RNF38: variants seen among roughly 807,000 people sequenced by gnomAD.
RNF38 encodes ring finger protein 38, also known as E3 ubiquitin-protein ligase RNF38.
In RNF38, 15 loss-of-function variants were observed where a neutral mutation model predicts 67.2. That is an observed-to-expected ratio of 0.22 (90% CI 0.15 to 0.34). The LOEUF is 0.34. Ranked by LOEUF, RNF38 falls within the 10% of genes least tolerant of loss-of-function variation. The pLI is 1.00. For synonymous variants in RNF38, 220 were observed against 218.8 expected (o/e 1.01, Z -0.05); for missense variants, 524 against 639.9 (o/e 0.82, Z 1.95).
At chr9:36,350,562 T>C (rs540709949) in intron 9 of RNF38, among the ~76,000 whole-genome samples, 1 of 152,340 alleles carries the variant, frequency 6.6e-6, no homozygotes, top group African/African-American at 2.4e-5. Context: ...ATCTTAAAGA[T>C]GAAAAGCTTA....
intron 1 of RNF38, among the ~76,000 whole-genome samples, chr9:36,445,606 C>T (rs991911093): frequency 2.0e-5 from 3 of 152,146 alleles, no homozygotes; most frequent in Admixed American, 2.0e-4. Flanking sequence ...CATGCTAAGA[C>T]AGGGGAATCA....
intron 4 of RNF38, among the ~76,000 whole-genome samples, chr9:36,366,391 TG>T (rs1174356048): frequency 2.6e-5 from 4 of 152,196 alleles, no homozygotes; most frequent in African/African-American, 9.7e-5. Context: ...CTTTACATAT[TG>T]CAACTGATTA....
Position 36,393,524 on chromosome 9 carries a change from G to GTGTGTGTGTGTGT in RNF38, c.13-2909_13-2908insACACACACACACA, listed in dbSNP as rs1554689613. Among the ~76,000 whole-genome samples, 274 of 84,314 alleles carry GTGTGTGTGTGTGT rather than the reference G, an allele frequency of 3.2e-3. 1 individual carries two copies. The highest frequency in any genetic ancestry group is 8.5e-3 in the South Asian group (22 of 2,582). The allele number at this position is 84,314 out of a possible 152,430, so 55.3% of individuals were successfully genotyped here. A position where few individuals can be genotyped will look rare whatever the true frequency, so the allele number is the denominator to read the frequency against. ...GTGTGTGTGTGTGTGTGTGTGTGTGGGGCAGGCAGTCCCATACATAGGTTG... is the reference window on the plus strand; with the variant it reads ...GTGTGTGTGTGTGTGTGTGTGTGTGGTGTGTGTGTGTGTGGCAGGCAGTCCCATACATAGGTTG... On this transcript the variant is annotated intron_variant, in intron 1 of 11. Coordinates refer to ENST00000259605, the MANE Select transcript of RNF38 (RefSeq NM_022781.5).
intron 2 of RNF38, among the ~76,000 whole-genome samples, chr9:36,385,628 C>CT (rs1836566589): frequency 6.6e-6 from 1 of 152,176 alleles, no homozygotes; most frequent in African/African-American, 2.4e-5. Context: ...ATCCACCCGC[C>CT]TCAGCCTCCC....
chr9:36,351,079 A>G, intron 9 of RNF38, 36 bp downstream of exon 9: 2 of 1,425,584 alleles, frequency 1.4e-6, no homozygotes, highest in Non-Finnish European at 2.0e-6. Flanking sequence ...CATGCACACA[A>G]TATTCCCCAA....
chr9:36,393,477 TTGTGTGTGTGTGTG>T (rs58913703), intron 1 of RNF38, among the ~76,000 whole-genome samples: 1,045 of 87,796 alleles, frequency 0.012, 21 homozygotes, highest in African/African-American at 0.037. Context: ...CACACACACA[TTGTGTGTGTGTGTG>T]TGTGTGTGTG....
At chr9:36,487,626 C>A (rs1200502235), upstream of RNF38, 57 of 969,660 alleles carry the variant, frequency 5.9e-5, no homozygotes, top group Non-Finnish European at 7.0e-5. Context: ...TGGCTGGGCC[C>A]CGGCCGGCAG....
chr9:36,344,864 G>C lies in RNF38; in HGVS notation c.1353C>G (p.Phe451Leu). 1 of 1,614,020 alleles carries C rather than the reference G, an allele frequency of 6.2e-7. No individual in the cohort carries two copies. The change falls in exon 10 of 12, where the codon TTC (phenylalanine) becomes TTG (leucine). Residue 451 changes from phenylalanine to leucine, a missense_variant. By Grantham distance (22) the Phe-to-Leu change is conservative (BLOSUM62 0). Around this residue, in one of 2 missense-constraint regions of RNF38, gnomAD observed 63 missense variants for 122.5 expected, o/e 0.51. Transcript: ENST00000259605. Reference protein sequence around the residue: ...ADIEQLPSYRFNPNNHQSEQT... With the variant: ...ADIEQLPSYRLNPNNHQSEQT... ...GTTCTGACTGGTGGTTGTTAGGATT[G>C]AACCGATAAGAAGGAAGTTGTTCAA... is the stretch of plus-strand genomic sequence containing the variant.
chr9:36,376,620 T>A (rs993403063), intron 2 of RNF38, among the ~76,000 whole-genome samples: 11 of 151,956 alleles, frequency 7.2e-5, no homozygotes, highest in Admixed American at 7.2e-4. Flanking sequence ...ACTATATTTA[T>A]TTTTTTTAAA....
chr9:36,483,781 A>T (rs1201944470), intron 1 of RNF38, among the ~76,000 whole-genome samples: 1 of 152,166 alleles, frequency 6.6e-6, no homozygotes, highest in Non-Finnish European at 1.5e-5. Context: ...ACTTTCTCCA[A>T]ATTTTCCTTC....
chr9:36,347,147 G>C (rs1833310418), intron 9 of RNF38, among the ~76,000 whole-genome samples: 1 of 47,278 alleles, frequency 2.1e-5, no homozygotes, highest in Admixed American at 2.9e-4. Context: ...GGGGGGGGGG[G>C]GGAAGTAAAT....
At chr9:36,467,547 G>A (rs1839892486) in intron 1 of RNF38, among the ~76,000 whole-genome samples, 1 of 152,232 alleles carries the variant, frequency 6.6e-6, no homozygotes, top group South Asian at 2.1e-4. Flanking sequence ...TTATGATTCT[G>A]CTGCTCTCTG....
chr9:36,381,123 T>C (rs147854130), intron 2 of RNF38, among the ~76,000 whole-genome samples: 2 of 152,322 alleles, frequency 1.3e-5, no homozygotes, highest in Admixed American at 6.5e-5. Context: ...ACACCCTATT[T>C]GGGGTTCAGA....
chr9:36,364,774 C>T (rs1834818071), intron 4 of RNF38, among the ~76,000 whole-genome samples: 2 of 152,204 alleles, frequency 1.3e-5, no homozygotes, highest in Non-Finnish European at 2.9e-5. Context: ...AACTAGATTG[C>T]TGAGTCCCAC....
rs1832657865 is a variant in RNF38, at chr9:36,339,040, G to A, written c.*712C>T. ...GAAGGTGACAGCTGCCTGAAGCAAAGGAAGAAGGCTTTTCTCATTCCATTC... is the reference window on the plus strand; with the variant it reads ...GAAGGTGACAGCTGCCTGAAGCAAAAGAAGAAGGCTTTTCTCATTCCATTC... On this transcript the variant is annotated 3_prime_UTR_variant, in exon 12 of 12. Coordinates refer to ENST00000259605, the MANE Select transcript of RNF38 (RefSeq NM_022781.5). 6.6e-6 allele frequency: 1 copy of A among 152,522 alleles called. No homozygotes were observed. Among genetic ancestry groups the A allele is most frequent in the African/African-American group, 2.4e-5 (1 of 41,398 alleles). 9.4% of individuals were successfully genotyped at this position (152,522 alleles called of 1,614,324 possible). A position where few individuals can be genotyped will look rare whatever the true frequency, so the allele number is the denominator to read the frequency against.
intron 1 of RNF38, among the ~76,000 whole-genome samples, chr9:36,429,451 T>C (rs570487213): frequency 1.7e-4 from 26 of 152,304 alleles, no homozygotes; most frequent in Non-Finnish European, 2.9e-4. Flanking sequence ...CTCATATACT[T>C]TAAATCATCT....
In RNF38 at chr9:36,341,471, G is replaced by A. The variant is rs145778112; in HGVS notation, c.1485+854C>T. Among the ~76,000 whole-genome samples, 21 of 152,128 alleles carry A rather than the reference G, an allele frequency of 1.4e-4. No homozygotes were observed. The East Asian group carries it at 3.9e-3, about 28-fold the overall frequency. The stretch of plus-strand genomic sequence containing the variant: ...ACTATATTTTTTTTATATAGTCATG[G>A]AGCCACTGCACCCAGCCTATTAAAA... On this transcript the variant is annotated intron_variant, in intron 11 of 11. Transcript: ENST00000259605.
At chr9:36,487,531 A>AGCGACC in exon 1 of RNF38, 2 of 979,768 alleles carry the variant, frequency 2.0e-6, no homozygotes, top group South Asian at 9.1e-5. Flanking sequence ...CGGCGGCGGC[A>AGCGACC]GCGACCGCGG....
chr9:36,464,439 C>T (rs1020885281), intron 1 of RNF38, among the ~76,000 whole-genome samples: 3 of 151,830 alleles, frequency 2.0e-5, no homozygotes, highest in African/African-American at 4.8e-5. Context: ...GGTGTGGTGG[C>T]GCACACCTGT....
Sources: gnomAD v4.1 joint callset for allele counts (sites outside exome capture counted in the v4.1 genomes callset) on GRCh38, gnomAD v4.1.1 for gene constraint, gnomAD v4.1.1 regional missense constraint, MANE v1.5 for transcripts, NCBI Gene and HGNC (gene_info 2026-07-23, HGNC 2026-07-21) for gene names.